Variants in GRK7 observed in about 807,000 individuals in gnomAD.
GRK7 encodes G protein-coupled receptor kinase 7, also known as rhodopsin kinase GRK7.
A neutral mutation model predicts 34.1 loss-of-function variants in GRK7; 24 were observed. The observed-to-expected ratio is 0.70, with a 90% CI of 0.51 to 0.99. GRK7 has a LOEUF of 0.99. GRK7 is among the 50% of genes least tolerant of loss of function. GRK7 has a pLI of 0.00. For synonymous variants in GRK7, 256 were observed against 279.4 expected, an observed-to-expected ratio of 0.92 and a Z score of 0.84; for missense variants, 644 against 707.3, an observed-to-expected ratio of 0.91 and a Z score of 1.02.
intron 5 of GRK7, among the ~76,000 whole-genome samples, chr3:141,813,105 A>T (rs145452958): frequency 1.4e-4 from 21 of 152,210 alleles, no homozygotes; most frequent in African/African-American, 5.1e-4. Flanking sequence ...TCTGACTTTT[A>T]AAAAATCTGT....
the GRK7 span, among the ~76,000 whole-genome samples, chr3:141,755,320 T>C: frequency 1.3e-5 from 2 of 152,248 alleles, no homozygotes; most frequent in South Asian, 4.1e-4. Context: ...CTGGGCAACA[T>C]AGGGAGACCC....
chr3:141,764,812 C>G lies in GRK7; in HGVS notation c.-1141C>G, dbSNP rs1261083036. On this transcript the variant is annotated 5_prime_UTR_variant, in exon 1 of 6. Coordinates refer to ENST00000682958, the MANE Select transcript of GRK7 (RefSeq NM_139209.3). Reference sequence around the variant, plus strand: ...ACTGAGCTCTTGATCTTCCCCACACCCTGCTCCTCCAGAGGATTTCCCACC... The same window carrying G: ...ACTGAGCTCTTGATCTTCCCCACACGCTGCTCCTCCAGAGGATTTCCCACC... Among the ~76,000 whole-genome samples the G allele has an allele frequency of 6.6e-6, 1 of 152,148 alleles. No homozygotes were observed. Among genetic ancestry groups the G allele is most frequent in the Non-Finnish European group, 1.5e-5 (1 of 68,018 alleles).
upstream of GRK7, among the ~76,000 whole-genome samples, chr3:141,763,244 G>A (rs2084565296): frequency 6.6e-6 from 1 of 152,208 alleles, no homozygotes; most frequent in African/African-American, 2.4e-5. Flanking sequence ...CCATAGTGCT[G>A]TGTTTCGGTC....
intron 5 of GRK7, 130 bp from the exon 6 acceptor site, chr3:141,816,582 TTA>T (rs1711155547): frequency 7.9e-6 from 4 of 508,488 alleles, no homozygotes; most frequent in Admixed American, 7.5e-5. Context: ...CAGTTATTCT[TTA>T]TGTTATTATA....
At chr3:141,766,143 A>AGTGGGGT (rs2084579522) in intron 1 of GRK7, among the ~76,000 whole-genome samples, 1 of 100,498 alleles carries the variant, frequency 1.0e-5, no homozygotes, top group Non-Finnish European at 2.2e-5. Context: ...TGGACATTTA[A>AGTGGGGT]CATTTACACG....
chr3:141,781,354 T>A (rs938326537), intron 4 of GRK7, among the ~76,000 whole-genome samples: 7 of 151,980 alleles, frequency 4.6e-5, no homozygotes, highest in Non-Finnish European at 8.8e-5. Context: ...CTGGCCAACA[T>A]GGTGAAACCC....
In GRK7 at chr3:141,807,906, C is replaced by T. The variant is rs781203350; in HGVS notation, c.1312C>T (p.Arg438Cys). ...CTTCTTGGCTAAGAAACCAGAGCAA[C>T]GCTTAGGAAGCAGGTAAACTAGCAT... ...RLFLAKKPEQRLGSREKSDDP... is the reference protein window; with the variant it reads ...RLFLAKKPEQCLGSREKSDDP... Residue 438 changes from arginine (R) to cysteine (C), a missense_variant, in exon 5 of 6, where the codon CGC (arginine) becomes TGC (cysteine). Coordinates refer to ENST00000682958, the MANE Select transcript of GRK7 (RefSeq NM_139209.3). 53 of 1,588,180 alleles carry T rather than the reference C, an allele frequency of 3.3e-5. No homozygotes were observed. The East Asian group carries it at 1.1e-3, about 32-fold the overall frequency.
chr3:141,752,632 A>G, the GRK7 span, among the ~76,000 whole-genome samples: 2 of 152,348 alleles, frequency 1.3e-5, no homozygotes, highest in South Asian at 4.1e-4. Context: ...ACTCTTTTCT[A>G]AGAGCTTTAT....
intron 4 of GRK7, among the ~76,000 whole-genome samples, chr3:141,800,704 C>T (rs137920929): frequency 1.4e-4 from 21 of 152,304 alleles, no homozygotes; most frequent in African/African-American, 5.1e-4. Context: ...ACATACTATA[C>T]TGTACCATTT....
intron 1 of GRK7, among the ~76,000 whole-genome samples, chr3:141,768,654 C>T (rs1397640133): frequency 2.6e-5 from 4 of 152,198 alleles, no homozygotes; most frequent in East Asian, 1.9e-4. Flanking sequence ...TCCAGCTCCC[C>T]ATCATATGTC....
intron 5 of GRK7, among the ~76,000 whole-genome samples, chr3:141,808,375 T>G (rs1215757377): frequency 6.6e-6 from 1 of 152,146 alleles, no homozygotes; most frequent in South Asian, 2.1e-4. Flanking sequence ...AAATATTACA[T>G]GATTCCACTT....
chr3:141,757,129 CTTTTTTTTTTTTTTTTTCT>C, the GRK7 span, among the ~76,000 whole-genome samples: 104 of 101,362 alleles, frequency 1.0e-3, 1 homozygote, highest in African/African-American at 4.0e-3. Context: ...AGATCTTCTT[CTTTTTTTTTTTTTTTTTCT>C]TTTTTTTTTT....
intron 4 of GRK7, among the ~76,000 whole-genome samples, chr3:141,801,187 T>C (rs972406422): frequency 5.9e-5 from 9 of 151,786 alleles, no homozygotes; most frequent in African/African-American, 2.2e-4. Context: ...GGCAGGTGCC[T>C]GTAGTCCCAG....
intron 5 of GRK7, among the ~76,000 whole-genome samples, chr3:141,812,897 G>T (rs1482973810): frequency 6.6e-6 from 1 of 152,116 alleles, no homozygotes; most frequent in Non-Finnish European, 1.5e-5. Flanking sequence ...GCCCGCCAGT[G>T]ATCATGGAAG....
At chr3:141,785,990 G>T (rs1382005971) in intron 4 of GRK7, among the ~76,000 whole-genome samples, 1 of 151,670 alleles carries the variant, frequency 6.6e-6, no homozygotes, top group Non-Finnish European at 1.5e-5. Flanking sequence ...ACAAGTGGCT[G>T]TTGCAACTCC....
chr3:141,774,281 G>T (rs922344521), intron 1 of GRK7, among the ~76,000 whole-genome samples: 2 of 151,990 alleles, frequency 1.3e-5, no homozygotes, highest in Non-Finnish European at 2.9e-5. Context: ...AATTAGCCAG[G>T]TGTGATGGTG....
chr3:141,768,661 T>A (rs1414895680), intron 1 of GRK7, among the ~76,000 whole-genome samples: 3 of 152,104 alleles, frequency 2.0e-5, no homozygotes, highest in African/African-American at 7.2e-5. Context: ...CCCCATCATA[T>A]GTCTCTCCCT....
chr3:141,789,417 A>G (rs919695180), intron 4 of GRK7, among the ~76,000 whole-genome samples: 1 of 152,090 alleles, frequency 6.6e-6, no homozygotes, highest in African/African-American at 2.4e-5. Flanking sequence ...CCACTCCCAC[A>G]GAGGGAAAAC....
chr3:141,803,176 C>T (rs1710988413), intron 4 of GRK7, among the ~76,000 whole-genome samples: 1 of 151,612 alleles, frequency 6.6e-6, no homozygotes. Flanking sequence ...CCTGTAATCC[C>T]AGCACTTTGG....
Sources: gnomAD v4.1 joint callset for allele counts (sites outside exome capture counted in the v4.1 genomes callset) on GRCh38, gnomAD v4.1.1 for gene constraint, MANE v1.5 for transcripts, NCBI Gene and HGNC (gene_info 2026-07-23, HGNC 2026-07-21) for gene names.